MAPKBP1: variants seen among roughly 807,000 people sequenced by gnomAD.
MAPKBP1 encodes the protein mitogen-activated protein kinase binding protein 1.
A neutral mutation model predicts 170.5 loss-of-function variants in MAPKBP1; 71 were observed. That is an observed-to-expected ratio of 0.42 (90% CI 0.34 to 0.51). The LOEUF (loss-of-function observed/expected upper bound fraction) is 0.51, where lower values mean the gene tolerates loss of function less well. MAPKBP1 is among the 20% of genes least tolerant of loss of function. The probability of loss-of-function intolerance (pLI) is 0.06; values close to 1 mark genes in which losing one functional copy is unlikely to be tolerated. For synonymous variants in MAPKBP1, 719 were observed against 757.9 expected, an observed-to-expected ratio of 0.95 and a Z score of 0.84; for missense variants, 1,598 against 1,933.0, an observed-to-expected ratio of 0.83 and a Z score of 3.25.
At chr15:41,796,320 G>T (rs747052180) in intron 2 of MAPKBP1, among the ~76,000 whole-genome samples, 23 of 152,210 alleles carry the variant, frequency 1.5e-4, no homozygotes, top group Non-Finnish European at 2.8e-4. Flanking sequence ...TCTAGGGCAG[G>T]TGGAAGCTCT....
At chr15:41,774,769 GGCGAGCCCC>G (rs1464083964) in intron 1 of MAPKBP1, 159 bp downstream of exon 1, 3 of 399,900 alleles carry the variant, frequency 7.5e-6, no homozygotes, top group African/African-American at 6.2e-5. Flanking sequence ...TGTGGGCTAC[GGCGAGCCCC>G]GCCGCGTCCC....
intron 3 of MAPKBP1, among the ~76,000 whole-genome samples, chr15:41,807,849 C>T (rs2064726430): frequency 6.6e-6 from 1 of 152,016 alleles, no homozygotes; most frequent in African/African-American, 2.4e-5. Flanking sequence ...ACCAGCCGAC[C>T]AATATAGTGA....
chr15:41,782,198 C>T (rs1176349427), intron 2 of MAPKBP1, among the ~76,000 whole-genome samples: 1 of 145,756 alleles, frequency 6.9e-6, no homozygotes, highest in Admixed American at 7.0e-5. Context: ...GGATGCGGAG[C>T]TTGCAGTGAG....
At position 41,817,159 on chromosome 15, in the gene MAPKBP1, G is replaced by T. The variant is rs2064905991; in HGVS notation, c.1711+124G>T. 7 of 1,452,060 alleles carry T rather than the reference G, an allele frequency of 4.8e-6. No individual in the cohort carries two copies. The East Asian group carries it at 1.6e-4, about 34-fold the overall frequency. 89.9% of individuals were successfully genotyped at this position (1,452,060 alleles called of 1,614,324 possible). On this transcript the variant is annotated intron_variant, in intron 14 of 30. Coordinates refer to ENST00000457542, the MANE Select transcript of MAPKBP1 (RefSeq NM_014994.3). The surrounding 1 kb of genome is among the most constrained non-coding windows in gnomAD (Gnocchi z 4.2). ...TTGGACAGCAGCTGGGAGGCCTGGA[G>T]CTGGTTGGGAAGATAGGTGGAACAG... is the stretch of plus-strand genomic sequence containing the variant.
At chr15:41,816,376 A>G (rs1192117322) in intron 12 of MAPKBP1, 183 bp from the exon 13 acceptor site, 1 of 575,684 alleles carries the variant, frequency 1.7e-6, no homozygotes, top group Non-Finnish European at 3.1e-6. Flanking sequence ...GTTATGTAAG[A>G]TGTTCACATT....
At chr15:41,797,778 A>C (rs953868481) in intron 2 of MAPKBP1, among the ~76,000 whole-genome samples, 1 of 152,176 alleles carries the variant, frequency 6.6e-6, no homozygotes, top group Non-Finnish European at 1.5e-5. Context: ...TCTACCAGTG[A>C]GCAGACACAT....
chr15:41,810,228 C>G (rs2064778449), intron 3 of MAPKBP1, among the ~76,000 whole-genome samples: 1 of 152,184 alleles, frequency 6.6e-6, no homozygotes, highest in African/African-American at 2.4e-5. Context: ...CCTCCTACAC[C>G]CCTTCCTGGG....
At chr15:41,791,530 C>T (rs1444710931) in intron 2 of MAPKBP1, among the ~76,000 whole-genome samples, 1 of 152,370 alleles carries the variant, frequency 6.6e-6, no homozygotes, top group East Asian at 1.9e-4. Flanking sequence ...AGTGCCTGTC[C>T]TCTAGCTCGT....
At chr15:41,819,550 G>GGGGT in intron 21 of MAPKBP1, 45 bp from the exon 22 acceptor site, 1 of 1,518,504 alleles carries the variant, frequency 6.6e-7, no homozygotes. Context: ...TGGGTGGCGG[G>GGGGT]GGGGGGGCAG....
At chr15:41,816,069 C>T (rs1033304003) in intron 12 of MAPKBP1, among the ~76,000 whole-genome samples, 3 of 152,176 alleles carry the variant, frequency 2.0e-5, no homozygotes, top group African/African-American at 7.2e-5. Context: ...ACCAAAAATG[C>T]ATAAACTCAA....
Position 41,826,893 on chromosome 15 carries a change from C to G in MAPKBP1, c.*1457C>G, listed in dbSNP as rs936419626. 3 of 152,206 alleles carry G rather than the reference C, an allele frequency of 2.0e-5. No homozygotes were observed. Among genetic ancestry groups the G allele is most frequent in the Admixed American group, 1.3e-4 (2 of 15,266 alleles). The allele number at this position is 152,206 out of a possible 1,614,324, so 9.4% of individuals were successfully genotyped here. A position where few individuals can be genotyped will look rare whatever the true frequency, so the allele number is the denominator to read the frequency against. On this transcript the variant is annotated 3_prime_UTR_variant, in exon 31 of 31. Coordinates refer to ENST00000457542, the MANE Select transcript of MAPKBP1 (RefSeq NM_014994.3). ...AGAGTTGAGGAAAGGTTTTTCTGGG[C>G]CCTACTGCTCCCCTCTGCTGCAGGT...
chr15:41,782,897 ACTCAGTAACC>A (rs2064215558), intron 2 of MAPKBP1, among the ~76,000 whole-genome samples: 1 of 152,184 alleles, frequency 6.6e-6, no homozygotes, highest in Non-Finnish European at 1.5e-5. Context: ...TAGATCCATC[ACTCAGTAACC>A]CTTGTCCATC....
chr15:41,778,535 G>A (rs115128164), intron 2 of MAPKBP1, among the ~76,000 whole-genome samples: 2,105 of 152,070 alleles, frequency 0.014, 53 homozygotes, highest in African/African-American at 0.048. Flanking sequence ...AGGGAGGGGA[G>A]TCTCTTCAGT....
At chr15:41,806,779 A>G (rs2064703819) in intron 3 of MAPKBP1, among the ~76,000 whole-genome samples, 1 of 152,058 alleles carries the variant, frequency 6.6e-6, no homozygotes, top group Non-Finnish European at 1.5e-5. Flanking sequence ...GGGTCAGGGG[A>G]TGTGGAGAGA....
At chr15:41,792,906 G>A (rs1391883863) in intron 2 of MAPKBP1, among the ~76,000 whole-genome samples, 2 of 152,084 alleles carry the variant, frequency 1.3e-5, no homozygotes, top group Non-Finnish European at 2.9e-5. Context: ...GTATTTAGAG[G>A]GGTGGGTCAT....
rs2065101024 is a variant in MAPKBP1 at position 41,826,592 on chromosome 15, G to A, written c.*1156G>A. The A allele has an allele frequency of 6.6e-6, 1 of 151,930 alleles. No homozygotes were observed. The highest frequency in any genetic ancestry group is 1.5e-5 in the Non-Finnish European group (1 of 68,008). The allele number at this position is 151,930 out of a possible 1,614,324, so 9.4% of individuals were successfully genotyped here. ...AGATTCTGGATTCTTGGTGTCCACA[G>A]CCTAGCTGATACGAGATAGCCCATA... On this transcript the variant is annotated 3_prime_UTR_variant, in exon 31 of 31. Transcript: ENST00000457542.
chr15:41,786,721 C>T (rs1182353852), intron 2 of MAPKBP1, among the ~76,000 whole-genome samples: 6 of 129,942 alleles, frequency 4.6e-5, no homozygotes, highest in Admixed American at 3.5e-4. Flanking sequence ...GCCAAGATTG[C>T]GCCACTGCAC....
rs1197981352 is a variant in MAPKBP1 at position 41,817,571 on chromosome 15, A to T, written c.1783-43A>T. On this transcript the variant is annotated intron_variant, in intron 15 of 30. Coordinates refer to ENST00000457542, the MANE Select transcript of MAPKBP1 (RefSeq NM_014994.3). This position sits in a 1 kb window ranked among gnomAD's most constrained non-coding sequence, Gnocchi z 4.2. ...CAAGTAGGGCTCTTGGGGCCTGGTG[A>T]GGCATTTGGGTGTGGGCCTGCCCAC... The T allele has an allele frequency of 6.2e-7, 1 of 1,613,630 alleles. No individual in the cohort carries two copies. Among genetic ancestry groups the T allele is most frequent in the African/African-American group, 1.3e-5 (1 of 75,020 alleles).
intron 3 of MAPKBP1, 48 bp from the exon 4 acceptor site, chr15:41,810,835 G>T (rs777806825): frequency 6.3e-7 from 1 of 1,582,042 alleles, no homozygotes; most frequent in Non-Finnish European, 8.7e-7. Flanking sequence ...AGGGCTCCTG[G>T]GGGAGCTGTG....
Sources: gnomAD v4.1 joint callset for allele counts (sites outside exome capture counted in the v4.1 genomes callset) on GRCh38, gnomAD v4.1.1 for gene constraint, Gnocchi (gnomAD v3.1) non-coding constraint, MANE v1.5 for transcripts, NCBI Gene and HGNC (gene_info 2026-07-23, HGNC 2026-07-21) for gene names.